The following RAP1GAP variants were observed in gnomAD, a reference collection of about 807,000 sequenced individuals.
The protein encoded by RAP1GAP is rap1 GTPase-activating protein 1.
In RAP1GAP, 35 loss-of-function variants were observed where a neutral mutation model predicts 87.2. The observed-to-expected ratio is 0.40, with a 90% CI of 0.31 to 0.53. The LOEUF (loss-of-function observed/expected upper bound fraction) is 0.53. Ranked by LOEUF, RAP1GAP falls within the 20% of genes least tolerant of loss-of-function variation. The pLI is 0.48. For missense variants in RAP1GAP, 734 were observed against 898.9 expected (o/e 0.82, Z 2.35); for synonymous variants, 375 against 363.9 (o/e 1.03, Z -0.35).
rs182287953 is a variant in RAP1GAP, at chr1:21,622,445, G to A, written c.-18-2395C>T. The A allele has an allele frequency of 0.043, 9,662 of 223,412 alleles. 305 individuals are homozygous for A. Among genetic ancestry groups the A allele is most frequent in the Non-Finnish European group, 0.06 (7,018 of 116,478 alleles). 13.8% of individuals were successfully genotyped at this position (223,412 alleles called of 1,614,324 possible). On this transcript the variant is annotated intron_variant, in intron 3 of 24. Coordinates refer to ENST00000374765, the MANE Select transcript of RAP1GAP (RefSeq NM_002885.4). The surrounding 1 kb of genome is among the most constrained non-coding windows in gnomAD (Gnocchi z 5.7). ...CGCGGCCCGGCCCGGCCCCCGCCGG[G>A]GCGGCACTTCAGCTGGCCCAGCCGG...
At position 21,601,927 on chromosome 1, in the gene RAP1GAP, G is replaced by A. The variant is rs1358355806; in HGVS notation, c.1539-130C>T. ...ACCCACGCCCCTATACTCAGGGCCA[G>A]CCCTGGAGCAGTCTTGTGGGCTCCC... On this transcript the variant is annotated intron_variant, in intron 19 of 24. Coordinates refer to ENST00000374765, the MANE Select transcript of RAP1GAP (RefSeq NM_002885.4). The A allele has an allele frequency of 4.2e-5, 25 of 597,946 alleles. No homozygotes were observed. In the South Asian group the frequency reaches 6.4e-4, roughly 15 times the overall value. The allele number at this position is 597,946 out of a possible 1,614,324, so 37.0% of individuals were successfully genotyped here.
chr1:21,608,963 A>T, intron 15 of RAP1GAP, 27 bp from the exon 16 acceptor site: 1 of 1,579,048 alleles, frequency 6.3e-7, no homozygotes, highest in South Asian at 1.1e-5. Flanking sequence ...TGGAGGAGAT[A>T]AGGAAGGGAA....
chr1:21,611,033 G>C, intron 13 of RAP1GAP, among the ~76,000 whole-genome samples: 1 of 152,112 alleles, frequency 6.6e-6, no homozygotes, highest in Admixed American at 6.5e-5. Flanking sequence ...TCGCCACCTG[G>C]AACATTTCCC....
chr1:21,608,701 C>A, intron 16 of RAP1GAP, 149 bp downstream of exon 16: 1 of 794,714 alleles, frequency 1.3e-6, no homozygotes, highest in East Asian at 2.5e-5. Context: ...CTCTCCCCGA[C>A]CTCCTACTCG....
chr1:21,651,696 A>C, intron 1 of RAP1GAP: 16 of 1,160,010 alleles, frequency 1.4e-5, no homozygotes, highest in Non-Finnish European at 1.8e-5. Flanking sequence ...CCCAAACGCG[A>C]GCACACCCCG....
Position 21,668,099 on chromosome 1 carries a change from G to C in RAP1GAP, c.-149+1155C>G, listed in dbSNP as rs764874157. Among the ~76,000 whole-genome samples the C allele has an allele frequency of 1.3e-5, 2 of 152,176 alleles. No individual in the cohort carries two copies. The highest frequency in any genetic ancestry group is 2.9e-5 in the Non-Finnish European group (2 of 68,030). ...GCCAATGTTCTGTTTCATCTGCGAGGCAACCTTCCCCAGTGCCCCAACCAT... is the reference window on the plus strand; with the variant it reads ...GCCAATGTTCTGTTTCATCTGCGAGCCAACCTTCCCCAGTGCCCCAACCAT... On this transcript the variant is annotated intron_variant, in intron 1 of 24. Transcript: ENST00000374765. The surrounding 1 kb of genome is among the most constrained non-coding windows in gnomAD (Gnocchi z 6.2).
At chr1:21,630,041 A>G (rs1450314825) in intron 2 of RAP1GAP, among the ~76,000 whole-genome samples, 1 of 152,226 alleles carries the variant, frequency 6.6e-6, no homozygotes, top group Non-Finnish European at 1.5e-5. Flanking sequence ...AGAGCTTACT[A>G]TGTGCAGGCT....
intron 2 of RAP1GAP, among the ~76,000 whole-genome samples, chr1:21,648,085 G>GTA (rs756740558): frequency 6.6e-6 from 1 of 152,218 alleles, no homozygotes; most frequent in Non-Finnish European, 1.5e-5. Flanking sequence ...GGAGGGCCTA[G>GTA]GGTTAGCACC....
rs547059927 is a variant in RAP1GAP at position 21,646,511 on chromosome 1, G to A, written c.-113+3250C>T. Among the ~76,000 whole-genome samples the A allele has an allele frequency of 3.9e-5, 6 of 152,354 alleles. No homozygotes were observed. The East Asian group carries it at 1.2e-3, about 29-fold the overall frequency. ...CAACAGGCCAAATTGCAGGACTGATGCCATGATTTAATGAGACCTTCAGAG... is the reference window on the plus strand; with the variant it reads ...CAACAGGCCAAATTGCAGGACTGATACCATGATTTAATGAGACCTTCAGAG... On this transcript the variant is annotated intron_variant, in intron 2 of 24. Transcript: ENST00000374765.
chr1:21,619,202 T>A, intron 4 of RAP1GAP, 130 bp from the exon 5 acceptor site: 2 of 969,714 alleles, frequency 2.1e-6, no homozygotes, highest in Non-Finnish European at 3.0e-6. Context: ...CAGGGCAGGG[T>A]GCTAGCTGGC....
intron 24 of RAP1GAP, 98 bp from the exon 25 acceptor site, chr1:21,597,362 CCCCA>C (rs1408460836): frequency 3.6e-6 from 1 of 278,728 alleles, no homozygotes; most frequent in African/African-American, 2.2e-5. Context: ...CCTCAGAGAA[CCCCA>C]CCCTGGGAGG....
intron 17 of RAP1GAP, among the ~76,000 whole-genome samples, chr1:21,606,984 C>T (rs779730301): frequency 1.4e-4 from 21 of 152,248 alleles, no homozygotes; most frequent in Admixed American, 9.2e-4. Flanking sequence ...TCTCCAGTCC[C>T]CAAGCCTCTT....
At chr1:21,621,243 G>A (rs1193151690) in intron 3 of RAP1GAP, among the ~76,000 whole-genome samples, 2 of 152,184 alleles carry the variant, frequency 1.3e-5, no homozygotes, top group Non-Finnish European at 2.9e-5. Flanking sequence ...ACAGAGGCGG[G>A]CAGGTGTGTC....
At chr1:21,662,929 A>G (rs1156760065) in intron 1 of RAP1GAP, among the ~76,000 whole-genome samples, 2 of 152,178 alleles carry the variant, frequency 1.3e-5, no homozygotes, top group Admixed American at 6.5e-5. Flanking sequence ...CAAGTGCTCA[A>G]TGAATGCCCC....
At chr1:21,608,766 G>T in intron 16 of RAP1GAP, 84 bp downstream of exon 16, 1 of 1,386,102 alleles carries the variant, frequency 7.2e-7, no homozygotes, top group Non-Finnish European at 1.0e-6. Context: ...TCTGAACATG[G>T]CTTTTCCCTT....
intron 3 of RAP1GAP, among the ~76,000 whole-genome samples, chr1:21,621,194 A>G (rs1325392108): frequency 1.3e-5 from 2 of 151,788 alleles, no homozygotes; most frequent in Non-Finnish European, 2.9e-5. Context: ...ACCACAAACC[A>G]CTCTCGTGTG....
chr1:21,598,416 A>C lies in RAP1GAP; in HGVS notation c.1863T>G (p.Ser621Arg). 6.2e-7 allele frequency: 1 copy of C among 1,613,672 alleles called. No homozygotes were observed. Among genetic ancestry groups the C allele is most frequent in the Non-Finnish European group, 8.5e-7 (1 of 1,179,622 alleles). Residue 621 changes from serine (S) to arginine (R), a missense_variant, in exon 22 of 25, where the codon AGT becomes AGG. Physicochemically the swap from Ser to Arg is moderately radical, Grantham distance 110. Transcript: ENST00000374765. ...TWLEDSVSTT[S>R]GGSSPGPSRS... is the part of the protein sequence containing the mutation. Reference sequence around the variant, plus strand: ...TCCTGGTACCTGGGGAGCTGCCCCCACTAGTGGTGCTGACACTGTCCTCCA... The same window carrying C: ...TCCTGGTACCTGGGGAGCTGCCCCCCCTAGTGGTGCTGACACTGTCCTCCA...
rs2066488426 is a variant in RAP1GAP at position 21,599,586 on chromosome 1, G to A, written c.1684C>T (p.Leu562Phe). 5.6e-6 allele frequency: 9 copies of A among 1,608,054 alleles called. No individual in the cohort carries two copies. Among genetic ancestry groups the A allele is most frequent in the Admixed American group, 1.7e-5 (1 of 59,992 alleles). The change falls in exon 21 of 25, where the codon CTC (leucine) becomes TTC (phenylalanine). Residue 562 changes from leucine to phenylalanine, a missense_variant. Coordinates refer to ENST00000374765, the MANE Select transcript of RAP1GAP (RefSeq NM_002885.4). Reference sequence around the variant, plus strand: ...GACGAGGAGCGGGAGAAGTCCTTGAGCGCCTCTGCTCTCTGCGCTGCGGTC... The same window carrying A: ...GACGAGGAGCGGGAGAAGTCCTTGAACGCCTCTGCTCTCTGCGCTGCGGTC... ...AETAAQRAEA[L>F]KDFSRSSSSA... is the part of the protein sequence containing the mutation.
chr1:21,657,445 C>T (rs576238562), intron 1 of RAP1GAP, among the ~76,000 whole-genome samples: 47 of 152,366 alleles, frequency 3.1e-4, no homozygotes, highest in African/African-American at 8.4e-4. Context: ...CTCACAAACA[C>T]GCATGGAGCA....
Sources: gnomAD v4.1 joint callset for allele counts (sites outside exome capture counted in the v4.1 genomes callset) on GRCh38, gnomAD v4.1.1 for gene constraint, Gnocchi (gnomAD v3.1) non-coding constraint, MANE v1.5 for transcripts, NCBI Gene and HGNC (gene_info 2026-07-23, HGNC 2026-07-21) for gene names.